The following GPAT4 variants were observed in gnomAD, a reference collection of about 807,000 sequenced individuals.
The protein encoded by GPAT4 is glycerol-3-phosphate acyltransferase 4.
In GPAT4, 17 loss-of-function variants were observed where a neutral mutation model predicts 58.0. The observed-to-expected ratio is 0.29, with a 90% confidence interval of 0.20 to 0.44. The LOEUF (loss-of-function observed/expected upper bound fraction) is 0.44, where lower values mean the gene tolerates loss of function less well. GPAT4 is among the 20% of genes least tolerant of loss of function. The pLI is 1.00. For synonymous variants in GPAT4, 204 were observed against 210.1 expected, an observed-to-expected ratio of 0.97 and a Z score of 0.25; for missense variants, 377 against 574.5, an observed-to-expected ratio of 0.66 and a Z score of 3.51.
At chr8:41,597,858 G>C (rs991574174) in intron 1 of GPAT4, among the ~76,000 whole-genome samples, 1 of 152,200 alleles carries the variant, frequency 6.6e-6, no homozygotes, top group Non-Finnish European at 1.5e-5. Flanking sequence ...CATTGGTGAC[G>C]GAGAACCATT....
At position 41,599,039 on chromosome 8, in the gene GPAT4, A is replaced by G. The variant is rs771369212; in HGVS notation, c.-101A>G. ...GAATGGGGTTTGCTGTTCTTCGGGA[A>G]CTTGCTTCCTTTCCCTGGCTGGTGC... is the stretch of plus-strand genomic sequence containing the variant. On this transcript the variant is annotated 5_prime_UTR_variant, in exon 2 of 13. Transcript: ENST00000396987. 1.8e-4 allele frequency: 256 copies of G among 1,459,084 alleles called. 1 individual carries two copies. The highest frequency in any genetic ancestry group is 2.3e-4 in the Non-Finnish European group (248 of 1,084,628). 90.4% of individuals were successfully genotyped at this position (1,459,084 alleles called of 1,614,324 possible).
At chr8:41,595,156 G>GTTT (rs1159786065) in intron 1 of GPAT4, among the ~76,000 whole-genome samples, 8 of 130,286 alleles carry the variant, frequency 6.1e-5, no homozygotes, top group African/African-American at 1.7e-4. Flanking sequence ...AATTGGTATA[G>GTTT]TTTTTTTTTT....
At chr8:41,579,390 T>C (rs1270976055) in intron 1 of GPAT4, among the ~76,000 whole-genome samples, 2 of 152,176 alleles carry the variant, frequency 1.3e-5, no homozygotes, top group African/African-American at 4.8e-5. Flanking sequence ...CTGTCAAAAG[T>C]AGCTTCAGTT....
Position 41,619,935 on chromosome 8 carries a change from G to A in GPAT4, c.1262+958G>A, listed in dbSNP as rs949138761. Among the ~76,000 whole-genome samples the A allele has an allele frequency of 3.3e-5, 5 of 152,136 alleles. No individual in the cohort carries two copies. The South Asian group carries it at 8.3e-4, about 25-fold the overall frequency. On this transcript the variant is annotated intron_variant, in intron 12 of 12. Coordinates refer to ENST00000396987, the MANE Select transcript of GPAT4 (RefSeq NM_178819.4). ...CGTCTCTTTCGCCCTCACAGTAGCC[G>A]CAGCGCTGTAAACAGTGTTCCCATT... is the stretch of plus-strand genomic sequence containing the variant.
intron 3 of GPAT4, 75 bp downstream of exon 3, chr8:41,609,560 C>T (rs139453675): frequency 2.2e-5 from 35 of 1,600,810 alleles, no homozygotes; most frequent in East Asian, 6.7e-5. Flanking sequence ...GTGCCACACA[C>T]GCTCTTCCCT....
chr8:41,596,155 C>T (rs1802926105), intron 1 of GPAT4, among the ~76,000 whole-genome samples: 1 of 152,032 alleles, frequency 6.6e-6, no homozygotes, highest in Non-Finnish European at 1.5e-5. Flanking sequence ...CCGTAATCTC[C>T]CTTCAGTCCT....
At chr8:41,599,492 A>G (rs1414913380) in intron 2 of GPAT4, among the ~76,000 whole-genome samples, 188 bp downstream of exon 2, 1 of 152,236 alleles carries the variant, frequency 6.6e-6, no homozygotes, top group Non-Finnish European at 1.5e-5. Flanking sequence ...TGTTTGATTT[A>G]TGCCGAGCCG....
chr8:41,586,157 G>A (rs1049613661), intron 1 of GPAT4, among the ~76,000 whole-genome samples: 2 of 151,162 alleles, frequency 1.3e-5, no homozygotes, highest in Non-Finnish European at 1.5e-5. Context: ...TGCCTATTTT[G>A]TATAAGTGGA....
intron 10 of GPAT4, among the ~76,000 whole-genome samples, chr8:41,615,680 A>G (rs1039964234): frequency 6.6e-6 from 1 of 152,126 alleles, no homozygotes; most frequent in Non-Finnish European, 1.5e-5. Flanking sequence ...TACCCTCTTC[A>G]CATCCACCAG....
intron 1 of GPAT4, among the ~76,000 whole-genome samples, chr8:41,587,967 C>A (rs1563268595): frequency 6.6e-6 from 1 of 152,202 alleles, no homozygotes; most frequent in Admixed American, 6.5e-5. Flanking sequence ...AGTTTCAATT[C>A]GAATTTCTCC....
intron 11 of GPAT4, 35 bp from the exon 12 acceptor site, chr8:41,618,863 C>T (rs749354226): frequency 4.3e-6 from 7 of 1,614,196 alleles, no homozygotes; most frequent in Non-Finnish European, 5.9e-6. Flanking sequence ...AACGTCAAGC[C>T]GGGGCTGAGT....
chr8:41,607,776 G>C (rs1053899544), intron 2 of GPAT4, among the ~76,000 whole-genome samples: 2 of 152,046 alleles, frequency 1.3e-5, no homozygotes, highest in African/African-American at 4.8e-5. Flanking sequence ...CGATCTTTCT[G>C]CCTTGGCCTC....
intron 8 of GPAT4, among the ~76,000 whole-genome samples, chr8:41,613,629 G>A (rs919452698): frequency 9.9e-5 from 15 of 152,142 alleles, no homozygotes; most frequent in African/African-American, 3.4e-4. Flanking sequence ...ATTTGCAGCA[G>A]ACAGAGACAT....
rs1585660501 is a variant in GPAT4, at chr8:41,599,435, T to G, written c.165+131T>G. 2.7e-6 allele frequency: 3 copies of G among 1,107,124 alleles called. No individual in the cohort carries two copies. The East Asian group carries it at 7.6e-5, about 28-fold the overall frequency. The allele number at this position is 1,107,124 out of a possible 1,614,324, so 68.6% of individuals were successfully genotyped here. A position where few individuals can be genotyped will look rare whatever the true frequency, so the allele number is the denominator to read the frequency against. ...AGTTGGGAGAATGGGAAGTGGCTTT[T>G]TGAGTAAGAAGAATAACTAAACGTC... On this transcript the variant is annotated intron_variant, in intron 2 of 12. Transcript: ENST00000396987.
Position 41,609,442 on chromosome 8 carries a change from A to G in GPAT4, c.192A>G (p.Gly64=). The part of the protein sequence containing the change: ...FAWATLRMER[G]AKEKNHQLYK... ...GGGCTACCTTGAGAATGGAGCGAGGAGCCAAGGAGAAGAACCACCAGCTTT... is the reference window on the plus strand; with the variant it reads ...GGGCTACCTTGAGAATGGAGCGAGGGGCCAAGGAGAAGAACCACCAGCTTT... The change falls in exon 3 of 13, where the codon GGA becomes GGG. Residue 64 remains glycine, a synonymous_variant. Transcript: ENST00000396987. 1 of 1,614,142 alleles carries G rather than the reference A, an allele frequency of 6.2e-7. No homozygotes were observed. The highest frequency in any genetic ancestry group is 1.3e-5 in the African/African-American group (1 of 75,020).
rs1015755563 is a variant in GPAT4, at chr8:41,622,894, G to A, written c.*1893G>A. The stretch of plus-strand genomic sequence containing the variant: ...TAAAAAGTGATTTTCAGCTTTTATA[G>A]GTGATGTTTACAGTGTTTGTAAACC... On this transcript the variant is annotated 3_prime_UTR_variant, in exon 13 of 13. Transcript: ENST00000396987. 6.6e-6 allele frequency: 1 copy of A among 152,238 alleles called. No homozygotes were observed. The highest frequency in any genetic ancestry group is 1.5e-5 in the Non-Finnish European group (1 of 68,042). 9.4% of individuals were successfully genotyped at this position (152,238 alleles called of 1,614,324 possible).
At chr8:41,615,250 A>C (rs1803561083) in intron 10 of GPAT4, among the ~76,000 whole-genome samples, 1 of 152,034 alleles carries the variant, frequency 6.6e-6, no homozygotes, top group African/African-American at 2.4e-5. Context: ...GGGCCTGGGG[A>C]GTGTGGAATG....
At chr8:41,619,939 C>T (rs1042259372) in intron 12 of GPAT4, among the ~76,000 whole-genome samples, 13 of 152,172 alleles carry the variant, frequency 8.5e-5, no homozygotes, top group Admixed American at 3.3e-4. Context: ...GTAGCCGCAG[C>T]GCTGTAAACA....
intron 1 of GPAT4, among the ~76,000 whole-genome samples, chr8:41,579,836 CA>C (rs71230848): frequency 4.6e-4 from 64 of 139,896 alleles, no homozygotes; most frequent in South Asian, 1.4e-3. Context: ...AGACTCGTGT[CA>C]AAAAAAAAAA....
Sources: allele counts gnomAD v4.1 joint callset (sites outside exome capture counted in the v4.1 genomes callset), GRCh38; gene constraint gnomAD v4.1.1; transcripts MANE v1.5; gene names NCBI Gene and HGNC (gene_info 2026-07-23, HGNC 2026-07-21).